CENPW: variants seen among roughly 807,000 people sequenced by gnomAD.
The protein encoded by CENPW is centromere protein W, also known as cancer-up-regulated gene 2 protein.
Under a neutral mutation model 11.1 loss-of-function variants are expected in CENPW, and 3 were observed. That is an observed-to-expected ratio of 0.27 (90% CI 0.12 to 0.70). CENPW has a LOEUF of 0.70. Ranked by LOEUF, CENPW falls within the 30% of genes least tolerant of loss-of-function variation. CENPW has a pLI of 0.77. For missense variants in CENPW, 100 were observed against 105.6 expected (o/e 0.95, Z 0.23); for synonymous variants, 38 against 42.0 (o/e 0.91, Z 0.37).
the CENPW span, among the ~76,000 whole-genome samples, chr6:126,398,214 C>T: frequency 6.6e-6 from 1 of 152,170 alleles, no homozygotes; most frequent in Non-Finnish European, 1.5e-5. Context: ...TGCAGTTAAA[C>T]ACTTACTTGT....
the CENPW span, among the ~76,000 whole-genome samples, chr6:126,447,516 G>A: frequency 2.0e-5 from 3 of 151,312 alleles, no homozygotes; most frequent in East Asian, 3.9e-4. Context: ...ACTTTCACAT[G>A]AAACAGAAAG....
intron 1 of CENPW, among the ~76,000 whole-genome samples, chr6:126,343,603 C>T (rs899170474): frequency 1.6e-4 from 24 of 152,248 alleles, no homozygotes; most frequent in African/African-American, 5.5e-4. Context: ...GGTCGAAGGC[C>T]CTAGGGCCAC....
chr6:126,478,221 T>C, the CENPW span, among the ~76,000 whole-genome samples: 1 of 152,002 alleles, frequency 6.6e-6, no homozygotes, highest in Admixed American at 6.6e-5. Flanking sequence ...GTTTACCCAG[T>C]CAGACAATCA....
chr6:126,462,168 CAT>C, the CENPW span, among the ~76,000 whole-genome samples: 3 of 151,784 alleles, frequency 2.0e-5, no homozygotes, highest in Non-Finnish European at 2.9e-5. Flanking sequence ...TATTTTTTAT[CAT>C]ATGTATTTAA....
At chr6:126,472,476 T>C in the CENPW span, among the ~76,000 whole-genome samples, 2 of 152,244 alleles carry the variant, frequency 1.3e-5, no homozygotes, top group Non-Finnish European at 2.9e-5. Flanking sequence ...CCCATGCTGG[T>C]GCATGTATCA....
the CENPW span, among the ~76,000 whole-genome samples, chr6:126,398,789 T>C: frequency 6.6e-6 from 1 of 151,642 alleles, no homozygotes; most frequent in Admixed American, 6.6e-5. Flanking sequence ...ACCCAATATA[T>C]AGTTTATCAA....
chr6:126,385,170 A>T, the CENPW span, among the ~76,000 whole-genome samples: 1 of 152,192 alleles, frequency 6.6e-6, no homozygotes, highest in Non-Finnish European at 1.5e-5. Flanking sequence ...AATGTAAATT[A>T]GTTTAACCAT....
chr6:126,431,743 G>A, the CENPW span, among the ~76,000 whole-genome samples: 1 of 152,088 alleles, frequency 6.6e-6, no homozygotes, highest in South Asian at 2.1e-4. Flanking sequence ...GCAACCTGGA[G>A]GAGAGTGTTA....
At chr6:126,442,433 TCA>T in the CENPW span, among the ~76,000 whole-genome samples, 1 of 151,396 alleles carries the variant, frequency 6.6e-6, no homozygotes, top group African/African-American at 2.4e-5. Context: ...AACAGACAAC[TCA>T]CAGAGTGGGA....
the CENPW span, among the ~76,000 whole-genome samples, chr6:126,360,617 T>G: frequency 2.6e-5 from 4 of 152,144 alleles, no homozygotes; most frequent in Non-Finnish European, 4.4e-5. Flanking sequence ...ATTTTGTTAA[T>G]TTTTTTAAAA....
At chr6:126,464,584 T>G in the CENPW span, among the ~76,000 whole-genome samples, 1 of 152,138 alleles carries the variant, frequency 6.6e-6, no homozygotes, top group Admixed American at 6.6e-5. Flanking sequence ...GCTGGATGCT[T>G]CCTGCCCTCG....
the CENPW span, among the ~76,000 whole-genome samples, chr6:126,408,407 C>T: frequency 6.6e-6 from 1 of 152,088 alleles, no homozygotes; most frequent in African/African-American, 2.4e-5. Context: ...TTTATAAAAT[C>T]ATCAGATCTC....
the CENPW span, among the ~76,000 whole-genome samples, chr6:126,381,544 C>CT: frequency 6.6e-6 from 1 of 152,110 alleles, no homozygotes; most frequent in Admixed American, 6.6e-5. Flanking sequence ...TGCTTTTCTA[C>CT]TTTTTTTGCC....
the CENPW span, among the ~76,000 whole-genome samples, chr6:126,370,715 G>A: frequency 6.6e-6 from 1 of 151,706 alleles, no homozygotes; most frequent in Non-Finnish European, 1.5e-5. Flanking sequence ...GCAAACGACA[G>A]TTTCACTTGC....
chr6:126,393,682 G>T, the CENPW span, among the ~76,000 whole-genome samples: 2 of 150,246 alleles, frequency 1.3e-5, no homozygotes, highest in African/African-American at 4.9e-5. Context: ...TTCATGACTT[G>T]TTTTGTGACC....
rs1583951067 is a variant in CENPW, at chr6:126,340,278, C to G, written c.5C>G (p.Ala2Gly). 1 of 1,613,400 alleles carries G rather than the reference C, an allele frequency of 6.2e-7. No homozygotes were observed. The highest frequency in any genetic ancestry group is 1.1e-5 in the South Asian group (1 of 91,018). M[A>G]LSTIVSQRKQ... Reference sequence around the variant, plus strand: ...AGCTGGTACTTGACAGAGAGGATGGCGCTGTCGACCATAGTCTCCCAGAGG... The same window carrying G: ...AGCTGGTACTTGACAGAGAGGATGGGGCTGTCGACCATAGTCTCCCAGAGG... Residue 2 changes from alanine to glycine, a missense_variant, in exon 1 of 3, where the codon GCG becomes GGG. Physicochemically the swap from Ala to Gly is moderately conservative, Grantham distance 60. Transcript: ENST00000368328.
chr6:126,399,635 T>C, the CENPW span, among the ~76,000 whole-genome samples: 1 of 152,100 alleles, frequency 6.6e-6, no homozygotes, highest in Non-Finnish European at 1.5e-5. Flanking sequence ...AATAAACCTT[T>C]TACAAACTAT....
At chr6:126,416,434 T>C in the CENPW span, among the ~76,000 whole-genome samples, 1 of 152,116 alleles carries the variant, frequency 6.6e-6, no homozygotes, top group Admixed American at 6.5e-5. Context: ...CCGCAGAAAT[T>C]TGCGTAATTA....
the CENPW span, among the ~76,000 whole-genome samples, chr6:126,393,414 C>T: frequency 6.6e-6 from 1 of 151,416 alleles, no homozygotes; most frequent in Non-Finnish European, 1.5e-5. Context: ...GATGTAGGCC[C>T]TTATAGCTAT....
Sources: allele counts gnomAD v4.1 joint callset (sites outside exome capture counted in the v4.1 genomes callset), GRCh38; gene constraint gnomAD v4.1.1; transcripts MANE v1.5; gene names NCBI Gene and HGNC (gene_info 2026-07-23, HGNC 2026-07-21).